Variants in GTF2I observed in about 807,000 individuals in gnomAD.
GTF2I encodes the protein general transcription factor II-I.
In GTF2I, 12 loss-of-function variants were observed where a neutral mutation model predicts 67.6. The observed-to-expected ratio is 0.18, with a 90% CI of 0.11 to 0.29. GTF2I has a LOEUF of 0.29. Ranked by LOEUF, GTF2I falls within the 10% of genes least tolerant of loss-of-function variation. The pLI is 1.00. For missense variants in GTF2I, 271 were observed against 580.1 expected (o/e 0.47, Z 5.47); for synonymous variants, 149 against 197.0 (o/e 0.76, Z 2.04).
rs146263213 is a variant in GTF2I, at chr7:74,695,192, G to A, written c.239-3769G>A. Among the ~76,000 whole-genome samples, 624 of 152,116 alleles carry A rather than the reference G, an allele frequency of 4.1e-3. 3 individuals are homozygous for A. The highest frequency in any genetic ancestry group is 0.014 in the African/African-American group (586 of 41,492). ...GTTGCCCATGCTGGAGTGCAATGGC[G>A]CGATCTCAGCTCACTGCAACCTCCA... On this transcript the variant is annotated intron_variant, in intron 3 of 34. Coordinates refer to ENST00000573035, the MANE Select transcript of GTF2I (RefSeq NM_032999.4).
chr7:74,711,949 CT>C lies in GTF2I; in HGVS notation c.763+858del, dbSNP rs587731254. Among the ~76,000 whole-genome samples the C allele has an allele frequency of 7.1e-3, 949 of 134,094 alleles. 7 individuals are homozygous for C. The highest frequency in any genetic ancestry group is 0.035 in the Middle Eastern group (9 of 256). 88.0% of individuals were successfully genotyped at this position (134,094 alleles called of 152,430 possible). A position where few individuals can be genotyped will look rare whatever the true frequency, so the allele number is the denominator to read the frequency against. The stretch of plus-strand genomic sequence containing the variant: ...TGTGGACATAGGCCTTCATTTCTCT[CT>C]TTTTTTTTTTTTTTTTTGAGACAGA... On this transcript the variant is annotated intron_variant, in intron 9 of 34. Coordinates refer to ENST00000573035, the MANE Select transcript of GTF2I (RefSeq NM_032999.4).
rs34002417 is a variant in GTF2I at position 74,660,180 on chromosome 7, C to CTTT, written c.-6+2126_-6+2128dup. Among the ~76,000 whole-genome samples the CTTT allele has an allele frequency of 2.2e-5, 3 of 135,818 alleles. No homozygotes were observed. The East Asian group carries it at 6.3e-4, about 28-fold the overall frequency. The allele number at this position is 135,818 out of a possible 152,430, so 89.1% of individuals were successfully genotyped here. A position where few individuals can be genotyped will look rare whatever the true frequency, so the allele number is the denominator to read the frequency against. ...TGCAGCCACTTCCTTAAGGTCTTCT[C>CTTT]TTTTTTTTTTTTTTTTGCTGCTGTT... On this transcript the variant is annotated intron_variant, in intron 1 of 34. Transcript: ENST00000573035.
At position 74,683,128 on chromosome 7, in the gene GTF2I, G is replaced by A. The variant is rs184583209; in HGVS notation, c.-5-5996G>A. ...ACAATAGCTTAGAGTTTTCCACATC[G>A]AAGGATACCATTTCATAGTTAAGCC... On this transcript the variant is annotated intron_variant, in intron 1 of 34. Coordinates refer to ENST00000573035, the MANE Select transcript of GTF2I (RefSeq NM_032999.4). 4.0e-3 allele frequency among the ~76,000 whole-genome samples: 610 copies of A among 152,256 alleles called. 1 individual carries two copies. Among genetic ancestry groups the A allele is most frequent in the African/African-American group, 0.014 (578 of 41,560 alleles).
At chr7:74,694,176 A>G (rs1788653386) in intron 3 of GTF2I, among the ~76,000 whole-genome samples, 1 of 152,368 alleles carries the variant, frequency 6.6e-6, no homozygotes, top group East Asian at 1.9e-4. Context: ...CCCTTAAGCC[A>G]CAGCGTAATC....
rs147069558 is a variant in GTF2I, at chr7:74,700,630, T to C, written c.582T>C (p.His194=). Residue 194 remains histidine (H), a synonymous_variant, in exon 6 of 35, where the codon CAT becomes CAC. Coordinates refer to ENST00000573035, the MANE Select transcript of GTF2I (RefSeq NM_032999.4). ...IKRPFLEPKK[H]VGGRVMVTDA... is the part of the protein sequence containing the mutation. ...GACCTTTTTTAGAGCCAAAGAAGCA[T>C]GTAGGTAAGTAAGTGCTTTGCTTCC... 53 of 1,613,834 alleles carry C rather than the reference T, an allele frequency of 3.3e-5. No homozygotes were observed. Among genetic ancestry groups the C allele is most frequent in the Non-Finnish European group, 4.3e-5 (51 of 1,179,820 alleles).
chr7:74,700,577 A>T, intron 5 of GTF2I, 29 bp from the exon 6 acceptor site: 2 of 1,612,000 alleles, frequency 1.2e-6, no homozygotes, highest in Non-Finnish European at 1.7e-6. Context: ...TATTCATACG[A>T]AGTTTTGTTT....
rs1789542741 is a variant in GTF2I, at chr7:74,700,177, T to C, written c.374-70T>C. On this transcript the variant is annotated intron_variant, in intron 4 of 34. Transcript: ENST00000573035. ...CATGGATGCCCTTATTAAGCCACAA[T>C]AAGCTAGCGATGATTTCATTTTGTA... 23 of 1,515,032 alleles carry C rather than the reference T, an allele frequency of 1.5e-5. No homozygotes were observed. The South Asian group carries it at 2.4e-4, about 16-fold the overall frequency. 93.8% of individuals were successfully genotyped at this position (1,515,032 alleles called of 1,614,324 possible). A position where few individuals can be genotyped will look rare whatever the true frequency, so the allele number is the denominator to read the frequency against.
rs1584135589 is a variant in GTF2I at position 74,688,251 on chromosome 7, G to A, written c.-5-873G>A. 3.3e-5 allele frequency among the ~76,000 whole-genome samples: 5 copies of A among 152,076 alleles called. No individual in the cohort carries two copies. In the South Asian group the frequency reaches 1.0e-3, roughly 32 times the overall value. ...CCACCACCCTGCCTGGCTCATTTTT[G>A]TATTTTTAGTAGAGGCAGAGTTTTG... On this transcript the variant is annotated intron_variant, in intron 1 of 34. Coordinates refer to ENST00000573035, the MANE Select transcript of GTF2I (RefSeq NM_032999.4).
At chr7:74,659,740 C>T (rs1215515073) in intron 1 of GTF2I, among the ~76,000 whole-genome samples, 1 of 152,002 alleles carries the variant, frequency 6.6e-6, no homozygotes, top group Non-Finnish European at 1.5e-5. Flanking sequence ...ATGGGGTCTT[C>T]TTGTGTTGCC....
At chr7:74,681,084 T>A (rs1787229139) in intron 1 of GTF2I, among the ~76,000 whole-genome samples, 1 of 152,004 alleles carries the variant, frequency 6.6e-6, no homozygotes, top group African/African-American at 2.4e-5. Context: ...TAAAATCAAA[T>A]CAGGGAAACG....
intron 9 of GTF2I, among the ~76,000 whole-genome samples, chr7:74,711,815 G>A (rs904994376): frequency 1.3e-5 from 2 of 152,050 alleles, no homozygotes; most frequent in Non-Finnish European, 1.5e-5. Context: ...TCTATTGTAT[G>A]CCTGAGTCAA....
intron 1 of GTF2I, among the ~76,000 whole-genome samples, chr7:74,660,275 C>T (rs924596201): frequency 1.2e-4 from 18 of 151,842 alleles, no homozygotes; most frequent in Middle Eastern, 3.4e-3. Context: ...CTGCAACCTC[C>T]ACCTCCCGGG....
chr7:74,690,891 T>G (rs1449099403), intron 2 of GTF2I, 82 bp from the exon 3 acceptor site: 3 of 1,153,674 alleles, frequency 2.6e-6, no homozygotes, highest in Non-Finnish European at 3.6e-6. Context: ...TAAAAAATGT[T>G]GTTAGTTTTT....
chr7:74,725,640 G>T (rs1554405526), intron 12 of GTF2I, among the ~76,000 whole-genome samples: 1 of 152,094 alleles, frequency 6.6e-6, no homozygotes, highest in Non-Finnish European at 1.5e-5. Context: ...GCTGCAGTGA[G>T]TGGTGCTCCA....
At chr7:74,730,722 T>C (rs1794394025) in intron 14 of GTF2I, among the ~76,000 whole-genome samples, 1 of 130,236 alleles carries the variant, frequency 7.7e-6, no homozygotes, top group African/African-American at 2.8e-5. Context: ...TCTTTTTTTT[T>C]TTTTTTTTTT....
intron 12 of GTF2I, among the ~76,000 whole-genome samples, chr7:74,726,187 A>G (rs905738626): frequency 6.6e-6 from 1 of 152,216 alleles, no homozygotes; most frequent in Admixed American, 6.5e-5. Context: ...TATAGGGGAA[A>G]TACTTTTATT....
chr7:74,706,285 T>C (rs1554401380), intron 7 of GTF2I, 105 bp from the exon 8 acceptor site: 3 of 850,362 alleles, frequency 3.5e-6, no homozygotes, highest in Non-Finnish European at 5.9e-6. Context: ...GCACCCACCT[T>C]GGTCAAGGGA....
At chr7:74,716,764 TAA>T (rs1792317849) in intron 10 of GTF2I, 128 bp from the exon 11 acceptor site, 3 of 608,414 alleles carry the variant, frequency 4.9e-6, no homozygotes, top group African/African-American at 3.7e-5. Flanking sequence ...ACTTAACTGC[TAA>T]AGAGTTAGAC....
chr7:74,743,331 AAAAC>A, intron 19 of GTF2I, 114 bp from the exon 20 acceptor site: 2 of 271,110 alleles, frequency 7.4e-6, no homozygotes, highest in South Asian at 4.6e-5. Context: ...TCAAAAAAAT[AAAAC>A]AAAACAAACA....
Sources: allele counts gnomAD v4.1 joint callset (sites outside exome capture counted in the v4.1 genomes callset), GRCh38; gene constraint gnomAD v4.1.1; transcripts MANE v1.5; gene names NCBI Gene and HGNC (gene_info 2026-07-23, HGNC 2026-07-21).